TET2: variants seen among roughly 807,000 people sequenced by gnomAD.
TET2 encodes tet methylcytosine dioxygenase 2.
Under a neutral mutation model 142.9 loss-of-function variants are expected in TET2, and 299 were observed. The ratio of observed to expected loss-of-function variants is 2.09; its 90% confidence interval spans 1.90 to 2.30. TET2 has a LOEUF of 2.30. Ranked by LOEUF, TET2 falls within the 30% of genes most tolerant of loss-of-function variation. TET2 has a pLI of 0.00. For synonymous variants in TET2, 819 were observed against 849.0 expected, an observed-to-expected ratio of 0.96 and a Z score of 0.61; for missense variants, 2,418 against 2,378.0, an observed-to-expected ratio of 1.02 and a Z score of -0.35.
intron 1 of TET2, among the ~76,000 whole-genome samples, chr4:105,151,386 T>C (rs1031695227): frequency 9.2e-5 from 14 of 152,118 alleles, no homozygotes; most frequent in Non-Finnish European, 2.1e-4. Flanking sequence ...ATTTATGTTT[T>C]CTTCATTTGT....
intron 5 of TET2, 69 bp from the exon 6 acceptor site, chr4:105,243,501 C>A: frequency 2.9e-6 from 4 of 1,394,634 alleles, no homozygotes; most frequent in African/African-American, 1.4e-5. Flanking sequence ...CCCTTATCTG[C>A]TGCAAGTGAC....
At chr4:105,146,839 G>C (rs1723042019), upstream of TET2, 1 of 152,260 alleles carries the variant, frequency 6.6e-6, no homozygotes. Context: ...ACGTCAAACT[G>C]CCTTATGAAT....
rs1489480935 is a variant in TET2, at chr4:105,276,846, C to CCCCCA, written c.*330_*331insCACCC. ...ATGATATGTAAATGTGATCCCCCCC[C>CCCCCA]CCCGCTTACAACTCTACACATCTGT... is the stretch of plus-strand genomic sequence containing the variant. On this transcript the variant is annotated 3_prime_UTR_variant, in exon 11 of 11. Coordinates refer to ENST00000380013, the MANE Select transcript of TET2 (RefSeq NM_001127208.3). 6 of 215,446 alleles carry CCCCCA rather than the reference C, an allele frequency of 2.8e-5. No homozygotes were observed. The East Asian group carries it at 4.1e-4, about 15-fold the overall frequency. 13.3% of individuals were successfully genotyped at this position (215,446 alleles called of 1,614,324 possible). A position where few individuals can be genotyped will look rare whatever the true frequency, so the allele number is the denominator to read the frequency against.
chr4:105,157,389 T>G (rs1180969726), intron 1 of TET2, among the ~76,000 whole-genome samples: 1 of 152,170 alleles, frequency 6.6e-6, no homozygotes. Flanking sequence ...ACTTTAAACC[T>G]TGTTTTATAG....
chr4:105,260,010 G>C (rs1730344486), intron 7 of TET2, among the ~76,000 whole-genome samples: 1 of 151,822 alleles, frequency 6.6e-6, no homozygotes, highest in South Asian at 2.1e-4. Context: ...GTTTTAAAGG[G>C]GTGTCACTTC....
chr4:105,164,460 G>A (rs987417161), intron 1 of TET2, among the ~76,000 whole-genome samples: 5 of 152,144 alleles, frequency 3.3e-5, no homozygotes, highest in African/African-American at 1.2e-4. Context: ...AAAACATCCA[G>A]CATGTTACTT....
intron 4 of TET2, chr4:105,242,316 C>G (rs1173050827): frequency 9.3e-7 from 1 of 1,077,792 alleles, no homozygotes; most frequent in East Asian, 5.2e-5. Context: ...GTAGGTGGTG[C>G]TTTGGTCATA....
rs541867408 is a variant in TET2, at chr4:105,204,842, A to T, written c.-47+14337A>T. On this transcript the variant is annotated intron_variant, in intron 2 of 10. Transcript: ENST00000380013. ...ACTAAGTTAGTGTATGTATTTTTTTAAAATTGCCTTAGTTTTGCTATTCAC... is the reference window on the plus strand; with the variant it reads ...ACTAAGTTAGTGTATGTATTTTTTTTAAATTGCCTTAGTTTTGCTATTCAC... 2.5e-3 allele frequency among the ~76,000 whole-genome samples: 380 copies of T among 152,244 alleles called. 1 individual carries two copies. The highest frequency in any genetic ancestry group is 0.01 in the Middle Eastern group (3 of 294).
At chr4:105,228,159 T>C (rs1307518040) in intron 2 of TET2, among the ~76,000 whole-genome samples, 1 of 152,126 alleles carries the variant, frequency 6.6e-6, no homozygotes, top group Non-Finnish European at 1.5e-5. Flanking sequence ...ATATAAAAAG[T>C]GTGATTTAGC....
chr4:105,166,581 T>C (rs1224311071), intron 1 of TET2, among the ~76,000 whole-genome samples: 2 of 151,962 alleles, frequency 1.3e-5, no homozygotes, highest in East Asian at 3.8e-4. Flanking sequence ...ATTATTATTT[T>C]TCTTTTTACT....
At chr4:105,259,511 G>T (rs1730310092) in intron 6 of TET2, 108 bp from the exon 7 acceptor site, 1 of 1,097,984 alleles carries the variant, frequency 9.1e-7, no homozygotes, top group Admixed American at 2.8e-5. Context: ...TACAGAGTTA[G>T]ATTAGACTTC....
At chr4:105,218,745 T>C (rs1727640423) in intron 2 of TET2, among the ~76,000 whole-genome samples, 2 of 152,092 alleles carry the variant, frequency 1.3e-5, no homozygotes, top group Admixed American at 6.6e-5. Flanking sequence ...TCTTGTCTTC[T>C]CAGTTAAATA....
At chr4:105,193,027 T>C (rs146334267) in intron 2 of TET2, among the ~76,000 whole-genome samples, 20 of 152,264 alleles carry the variant, frequency 1.3e-4, no homozygotes, top group African/African-American at 4.1e-4. Flanking sequence ...AATCACAGTA[T>C]CTTATACATC....
chr4:105,233,858 A>AT, intron 2 of TET2, 39 bp from the exon 3 acceptor site: 1 of 1,078,746 alleles, frequency 9.3e-7, no homozygotes, highest in Non-Finnish European at 1.3e-6. Context: ...AGATAGATAG[A>AT]AATAAACACA....
In TET2 at chr4:105,237,408, T is replaced by C. The variant is rs1362962550; in HGVS notation, c.3409+57T>C. The C allele has an allele frequency of 1.9e-6, 3 of 1,613,920 alleles. No homozygotes were observed. In the African/African-American group the frequency reaches 4.0e-5, roughly 22 times the overall value. ...CGTTTATCCAGAATTAGCAAATTTA[T>C]CTTCAGATATGGGATTTTCCTTCTT... On this transcript the variant is annotated intron_variant, in intron 3 of 10. Coordinates refer to ENST00000380013, the MANE Select transcript of TET2 (RefSeq NM_001127208.3).
chr4:105,271,062 G>T (rs1249292396), intron 9 of TET2, among the ~76,000 whole-genome samples: 26 of 152,152 alleles, frequency 1.7e-4, no homozygotes, highest in Admixed American at 1.7e-3. Flanking sequence ...ATATTTTAGG[G>T]ACTGCAGGCC....
At chr4:105,255,547 T>C (rs1013243101) in intron 6 of TET2, among the ~76,000 whole-genome samples, 8 of 152,206 alleles carry the variant, frequency 5.3e-5, no homozygotes, top group South Asian at 2.1e-4. Context: ...TTTAATCTTC[T>C]ATCTACTTTT....
At chr4:105,223,512 A>G (rs1317271119) in intron 2 of TET2, among the ~76,000 whole-genome samples, 2 of 152,184 alleles carry the variant, frequency 1.3e-5, no homozygotes, top group African/African-American at 4.8e-5. Context: ...CGAAATGGAG[A>G]GAACTTAATA....
rs200585520 is a variant in TET2, at chr4:105,234,516, T to C, written c.574T>C (p.Tyr192His). 76 of 1,614,106 alleles carry C rather than the reference T, an allele frequency of 4.7e-5. No individual in the cohort carries two copies. The highest frequency in any genetic ancestry group is 1.7e-4 in the Admixed American group (10 of 60,008). Residue 192 changes from tyrosine (Y) to histidine (H), a missense_variant, in exon 3 of 11, where the codon TAC (tyrosine) becomes CAC (histidine). Tyr to His is a moderately conservative substitution (Grantham distance 83). Transcript: ENST00000380013. ...LNEQEGKSAN[Y>H]HDKNIVLLKN... ...TGAGCAGGAGGGGAAAAGTGCTAAT[T>C]ACCATGACAAGAACATTGTATTACT...
Sources: allele counts gnomAD v4.1 joint callset (sites outside exome capture counted in the v4.1 genomes callset), GRCh38; gene constraint gnomAD v4.1.1; transcripts MANE v1.5; gene names NCBI Gene and HGNC (gene_info 2026-07-23, HGNC 2026-07-21).